Variants in PLXNA4 observed in about 807,000 individuals in gnomAD.
The protein encoded by PLXNA4 is plexin A4.
In PLXNA4, 44 loss-of-function variants were observed where a neutral mutation model predicts 191.8. That is an observed-to-expected ratio of 0.23 (90% CI 0.18 to 0.29). The LOEUF (loss-of-function observed/expected upper bound fraction) is 0.29. Among genes scored for constraint, PLXNA4 ranks in the 10% least tolerant of loss-of-function variants. The pLI is 1.00. For missense variants in PLXNA4, 1,800 were observed against 2,488.8 expected (o/e 0.72, Z 5.89); for synonymous variants, 1,082 against 1,009.5 (o/e 1.07, Z -1.36).
chr7:132,454,975 C>T (rs1443529564), intron 3 of PLXNA4, among the ~76,000 whole-genome samples: 2 of 152,208 alleles, frequency 1.3e-5, no homozygotes, highest in African/African-American at 2.4e-5. Flanking sequence ...TCAGCATCCT[C>T]GATGGGGCCA....
At chr7:132,168,690 C>A in intron 21 of PLXNA4, 118 bp from the exon 22 acceptor site, 1 of 1,379,794 alleles carries the variant, frequency 7.2e-7, no homozygotes, top group Non-Finnish European at 9.5e-7. Context: ...AGCCACAGTC[C>A]ACCTGGCTAA....
intron 5 of PLXNA4, among the ~76,000 whole-genome samples, chr7:132,235,839 A>T (rs1798681496): frequency 6.6e-6 from 1 of 152,168 alleles, no homozygotes; most frequent in African/African-American, 2.4e-5. Flanking sequence ...CCAGGACAGG[A>T]GATAGCTGTG....
At chr7:132,197,667 G>A (rs1352415693) in intron 13 of PLXNA4, among the ~76,000 whole-genome samples, 1 of 152,100 alleles carries the variant, frequency 6.6e-6, no homozygotes, top group Non-Finnish European at 1.5e-5. Flanking sequence ...ATCTTGGGGA[G>A]ATCTCATGGA....
chr7:132,393,945 T>C (rs1282885608), intron 3 of PLXNA4, among the ~76,000 whole-genome samples: 2 of 151,342 alleles, frequency 1.3e-5, no homozygotes, highest in South Asian at 2.1e-4. Flanking sequence ...CCAGGCACAG[T>C]GGTATTGAGA....
intron 9 of PLXNA4, among the ~76,000 whole-genome samples, chr7:132,215,799 G>T (rs1797945592): frequency 6.6e-6 from 1 of 152,222 alleles, no homozygotes; most frequent in South Asian, 2.1e-4. Flanking sequence ...TGACAGGGTG[G>T]TGTCCAGAGA....
intron 20 of PLXNA4, among the ~76,000 whole-genome samples, chr7:132,176,582 CAGTGTGTGAGCATGTCAGGGAG>C (rs1562899103): frequency 1.8e-4 from 26 of 147,634 alleles, no homozygotes; most frequent in East Asian, 1.0e-3. Flanking sequence ...GTGAGTATGA[CAGTGTGTGAGCATGTCAGGGAG>C]TGTGTATGAC....
chr7:132,455,872 C>A (rs1179268803), intron 3 of PLXNA4, among the ~76,000 whole-genome samples: 2 of 152,170 alleles, frequency 1.3e-5, no homozygotes, highest in Non-Finnish European at 2.9e-5. Flanking sequence ...GACCATCAAC[C>A]CCTCTGCCCA....
intron 1 of PLXNA4, among the ~76,000 whole-genome samples, chr7:132,534,392 G>C (rs1416543479): frequency 6.6e-6 from 1 of 152,176 alleles, no homozygotes. Context: ...CAACTTCCAA[G>C]TGAGAGGAGC....
chr7:132,296,982 G>A (rs1452960126), intron 4 of PLXNA4, among the ~76,000 whole-genome samples: 1 of 152,104 alleles, frequency 6.6e-6, no homozygotes, highest in Non-Finnish European at 1.5e-5. Flanking sequence ...CTGACAACAG[G>A]AGAAGATGTC....
intron 4 of PLXNA4, among the ~76,000 whole-genome samples, chr7:132,253,689 A>G (rs1425525904): frequency 6.6e-6 from 1 of 152,148 alleles, no homozygotes; most frequent in Non-Finnish European, 1.5e-5. Context: ...TTTTCTCCTT[A>G]TAAAATTAAC....
chr7:132,227,551 G>A lies in PLXNA4; in HGVS notation c.1782C>T (p.Thr594=), dbSNP rs201323101. ...VPELSAGVNC[T]FEDLSEMDGL... is the part of the protein sequence containing the mutation. ...CATCCATCTCTGACAGGTCCTCAAA[G>A]GTGCAGTTGACGCCAGCTGACAGCT... The change falls in exon 7 of 32, where the codon ACC becomes ACT. Residue 594 remains threonine, a synonymous_variant. Transcript: ENST00000321063. The A allele has an allele frequency of 6.8e-6, 11 of 1,614,054 alleles. No homozygotes were observed. The highest frequency in any genetic ancestry group is 1.1e-5 in the South Asian group (1 of 91,084).
chr7:132,588,538 A>G (rs1802543573), intron 2 of PLXNA4, among the ~76,000 whole-genome samples: 2 of 151,868 alleles, frequency 1.3e-5, no homozygotes, highest in South Asian at 4.2e-4. Flanking sequence ...GGCTTTATCA[A>G]TATCTTTCAG....
intron 3 of PLXNA4, among the ~76,000 whole-genome samples, chr7:132,404,167 A>C (rs563452860): frequency 6.6e-6 from 1 of 152,296 alleles, no homozygotes; most frequent in Admixed American, 6.5e-5. Context: ...TTGACCCTAA[A>C]TAGCTCCATG....
intron 30 of PLXNA4, among the ~76,000 whole-genome samples, chr7:132,135,232 T>C (rs1453086181): frequency 6.6e-6 from 1 of 152,180 alleles, no homozygotes; most frequent in Non-Finnish European, 1.5e-5. Flanking sequence ...TCACTTTTGG[T>C]ACCATGGCCA....
At chr7:132,305,634 G>A (rs1801489799) in intron 3 of PLXNA4, among the ~76,000 whole-genome samples, 1 of 152,206 alleles carries the variant, frequency 6.6e-6, no homozygotes, top group African/African-American at 2.4e-5. Flanking sequence ...CATCCGGGGA[G>A]CTCCTGGCAG....
chr7:132,603,697 C>G (rs530423533), intron 2 of PLXNA4, among the ~76,000 whole-genome samples: 1 of 152,154 alleles, frequency 6.6e-6, no homozygotes, highest in African/African-American at 2.4e-5. Context: ...GCAGGGCCAA[C>G]CTTAGGACTT....
At chr7:132,562,729 C>CTTT (rs1801283230) in intron 1 of PLXNA4, among the ~76,000 whole-genome samples, 1 of 120,066 alleles carries the variant, frequency 8.3e-6, no homozygotes, top group Non-Finnish European at 1.7e-5. Flanking sequence ...TTTTCCTCGT[C>CTTT]CTCCTCCTTC....
At chr7:132,382,370 C>G (rs1397593316) in intron 3 of PLXNA4, among the ~76,000 whole-genome samples, 1 of 152,100 alleles carries the variant, frequency 6.6e-6, no homozygotes, top group African/African-American at 2.4e-5. Context: ...AAATCACAGC[C>G]CCTGCTGCTG....
At chr7:132,268,103 G>A (rs997948836) in intron 4 of PLXNA4, among the ~76,000 whole-genome samples, 6 of 152,170 alleles carry the variant, frequency 3.9e-5, no homozygotes, top group Non-Finnish European at 5.9e-5. Context: ...GGTACACACC[G>A]TGATTAAAAA....
Sources: gnomAD v4.1 joint callset for allele counts (sites outside exome capture counted in the v4.1 genomes callset) on GRCh38, gnomAD v4.1.1 for gene constraint, MANE v1.5 for transcripts, NCBI Gene and HGNC (gene_info 2026-07-23, HGNC 2026-07-21) for gene names.